The following KLHL1 variants were observed in gnomAD, a reference collection of about 807,000 sequenced individuals.
The protein encoded by KLHL1 is kelch like family member 1.
Under a neutral mutation model 77.7 loss-of-function variants are expected in KLHL1, and 47 were observed. The ratio of observed to expected loss-of-function variants is 0.60; its 90% CI spans 0.48 to 0.77. The LOEUF (loss-of-function observed/expected upper bound fraction) is 0.77, where lower values mean the gene tolerates loss of function less well. Ranked by LOEUF, KLHL1 falls within the 30% of genes least tolerant of loss-of-function variation. The pLI is 0.00. For synonymous variants in KLHL1, 360 were observed against 325.2 expected (o/e 1.11, Z -1.15); for missense variants, 925 against 910.8 (o/e 1.02, Z -0.20).
chr13:70,006,268 T>C (rs1885402518), intron 1 of KLHL1, among the ~76,000 whole-genome samples: 1 of 152,066 alleles, frequency 6.6e-6, no homozygotes, highest in Non-Finnish European at 1.5e-5. Flanking sequence ...TGCTTATAGA[T>C]GGACATTTGG....
At chr13:69,795,683 A>G (rs1254980031) in intron 7 of KLHL1, among the ~76,000 whole-genome samples, 1 of 152,208 alleles carries the variant, frequency 6.6e-6, no homozygotes, top group Non-Finnish European at 1.5e-5. Context: ...GCAAATCACA[A>G]AACCAAGGCT....
At chr13:69,899,327 T>C (rs1452429097) in intron 4 of KLHL1, among the ~76,000 whole-genome samples, 1 of 152,084 alleles carries the variant, frequency 6.6e-6, no homozygotes, top group African/African-American at 2.4e-5. Flanking sequence ...GAAGTATACA[T>C]GGGGATAAGA....
intron 4 of KLHL1, among the ~76,000 whole-genome samples, chr13:69,904,140 T>G (rs573561847): frequency 6.7e-5 from 8 of 120,180 alleles, no homozygotes; most frequent in African/African-American, 2.6e-4. Context: ...TGAAAATAAT[T>G]TAATATTTAT....
chr13:69,737,421 T>C (rs1240623166), intron 8 of KLHL1, among the ~76,000 whole-genome samples: 1 of 152,176 alleles, frequency 6.6e-6, no homozygotes, highest in Non-Finnish European at 1.5e-5. Flanking sequence ...CCCCACAAGC[T>C]AAAACGTAAT....
chr13:69,878,086 A>T (rs1215224209), intron 5 of KLHL1, among the ~76,000 whole-genome samples: 1 of 152,108 alleles, frequency 6.6e-6, no homozygotes, highest in African/African-American at 2.4e-5. Flanking sequence ...CGTTCTTTTA[A>T]CATGTTCTGT....
intron 3 of KLHL1, among the ~76,000 whole-genome samples, chr13:69,951,420 AG>A (rs1398394678): frequency 3.3e-5 from 5 of 151,558 alleles, no homozygotes; most frequent in African/African-American, 1.2e-4. Flanking sequence ...GCAAGTTAGT[AG>A]GAACATGTTT....
At chr13:69,981,812 T>C (rs1484902314) in intron 1 of KLHL1, among the ~76,000 whole-genome samples, 1 of 151,742 alleles carries the variant, frequency 6.6e-6, no homozygotes, top group Non-Finnish European at 1.5e-5. Flanking sequence ...TCTAAAAAAA[T>C]TCTAACAAGA....
chr13:70,066,142 G>A (rs182300963), intron 1 of KLHL1, among the ~76,000 whole-genome samples: 10 of 152,262 alleles, frequency 6.6e-5, no homozygotes, highest in African/African-American at 2.4e-4. Context: ...TTTGCCCTGT[G>A]GTTTACCAGC....
chr13:70,060,646 C>A (rs1886858322), intron 1 of KLHL1, among the ~76,000 whole-genome samples: 1 of 151,862 alleles, frequency 6.6e-6, no homozygotes, highest in African/African-American at 2.4e-5. Flanking sequence ...GAGTTCAAGA[C>A]CAGCCTGGCC....
intron 1 of KLHL1, among the ~76,000 whole-genome samples, chr13:70,067,282 G>A (rs921541521): frequency 6.6e-6 from 1 of 152,148 alleles, no homozygotes; most frequent in South Asian, 2.1e-4. Flanking sequence ...GTAATACATT[G>A]AACTAATAGC....
chr13:69,925,924 T>C (rs1312479554), intron 4 of KLHL1, among the ~76,000 whole-genome samples: 1 of 152,194 alleles, frequency 6.6e-6, no homozygotes, highest in African/African-American at 2.4e-5. Flanking sequence ...TAGTTGTTAA[T>C]AAGTTCACCA....
chr13:70,001,073 TTTG>T (rs1885276498), intron 1 of KLHL1, among the ~76,000 whole-genome samples: 1 of 151,250 alleles, frequency 6.6e-6, no homozygotes, highest in Non-Finnish European at 1.5e-5. Context: ...TATTTAATGA[TTTG>T]TTGTGTAAAT....
In KLHL1 at chr13:69,725,099, C is replaced by T. The variant is rs1333658364; in HGVS notation, c.1803-5518G>A. Among the ~76,000 whole-genome samples, 5 of 152,088 alleles carry T rather than the reference C, an allele frequency of 3.3e-5. No homozygotes were observed. The East Asian group carries it at 9.7e-4, about 29-fold the overall frequency. Reference sequence around the variant, plus strand: ...TGCCAGAAAACCTGTCCAACCTTTGCCCTGAAGGGAGACATTATCTTTATG... The same window carrying T: ...TGCCAGAAAACCTGTCCAACCTTTGTCCTGAAGGGAGACATTATCTTTATG... On this transcript the variant is annotated intron_variant, in intron 8 of 10. Transcript: ENST00000377844.
intron 4 of KLHL1, among the ~76,000 whole-genome samples, chr13:69,897,167 T>C (rs1881677145): frequency 6.6e-6 from 1 of 152,212 alleles, no homozygotes; most frequent in South Asian, 2.1e-4. Flanking sequence ...AGAAAACTTT[T>C]GATTTTCAGG....
At chr13:70,079,762 A>T (rs940280570) in intron 1 of KLHL1, among the ~76,000 whole-genome samples, 1 of 152,184 alleles carries the variant, frequency 6.6e-6, no homozygotes, top group Admixed American at 6.5e-5. Context: ...ATGAATGAGG[A>T]AACGAAGCAT....
At chr13:69,790,414 C>CTGAA (rs888882783) in intron 7 of KLHL1, among the ~76,000 whole-genome samples, 57 of 152,266 alleles carry the variant, frequency 3.7e-4, no homozygotes, top group African/African-American at 1.2e-3. Flanking sequence ...TTCCACAAAA[C>CTGAA]TGAATATGAG....
chr13:69,867,722 T>C (rs1880416900), intron 5 of KLHL1, among the ~76,000 whole-genome samples: 1 of 151,702 alleles, frequency 6.6e-6, no homozygotes, highest in Non-Finnish European at 1.5e-5. Context: ...ATTATCACAA[T>C]AGTACCTTTA....
At chr13:69,773,575 TAATTA>T (rs1875682453) in intron 7 of KLHL1, among the ~76,000 whole-genome samples, 1 of 151,996 alleles carries the variant, frequency 6.6e-6, no homozygotes, top group African/African-American at 2.4e-5. Flanking sequence ...TTATTTATGA[TAATTA>T]AATTTGAAGA....
intron 1 of KLHL1, among the ~76,000 whole-genome samples, chr13:70,104,632 A>C (rs868595035): frequency 6.6e-6 from 1 of 152,162 alleles, no homozygotes. Flanking sequence ...TTAGCAGAAA[A>C]GTCAGAATTT....
Sources: gnomAD v4.1 joint callset for allele counts (sites outside exome capture counted in the v4.1 genomes callset) on GRCh38, gnomAD v4.1.1 for gene constraint, MANE v1.5 for transcripts, NCBI Gene and HGNC (gene_info 2026-07-23, HGNC 2026-07-21) for gene names.